Variants in TRHDE observed in about 807,000 individuals in gnomAD.
TRHDE encodes the protein thyrotropin-releasing hormone-degrading ectoenzyme.
In TRHDE, 72 loss-of-function variants were observed where a neutral mutation model predicts 125.7. The observed-to-expected ratio is 0.57, with a 90% CI of 0.47 to 0.70. TRHDE has a LOEUF of 0.70. Among genes scored for constraint, TRHDE ranks in the 30% least tolerant of loss-of-function variants. TRHDE has a pLI of 0.00. For synonymous variants in TRHDE, 509 were observed against 509.1 expected (o/e 1.00, Z 0.00); for missense variants, 1,110 against 1,327.1 (o/e 0.84, Z 2.54).
chr12:72,176,779 A>G (rs568938054), intron 2 of TRHDE, among the ~76,000 whole-genome samples: 1 of 152,352 alleles, frequency 6.6e-6, no homozygotes, highest in South Asian at 2.1e-4. Flanking sequence ...CTTGACTTTT[A>G]AAAGAGTTAC....
At chr12:72,499,677 C>T in intron 6 of TRHDE, 42 bp downstream of exon 6, 1 of 1,601,478 alleles carries the variant, frequency 6.2e-7, no homozygotes, top group Non-Finnish European at 8.5e-7. Flanking sequence ...ATTTCATTAC[C>T]AAGATAGCTA....
chr12:72,279,565 T>G (rs774492134), intron 1 of TRHDE, among the ~76,000 whole-genome samples: 1 of 152,208 alleles, frequency 6.6e-6, no homozygotes, highest in Non-Finnish European at 1.5e-5. Flanking sequence ...CTAGGCAGAA[T>G]TTTGGAAAAT....
Position 72,138,336 on chromosome 12 carries a change from T to A in TRHDE, n.279+32584T>A, listed in dbSNP as rs148796813. Among the ~76,000 whole-genome samples, 108 of 152,010 alleles carry A rather than the reference T, an allele frequency of 7.1e-4. 1 individual carries two copies. The East Asian group carries it at 0.017, about 24-fold the overall frequency. Reference sequence around the variant, plus strand: ...GTTGCAGTGAGTCGAGATCACACCATTGCACTCTAGCCTGGTGACAGCAAG... The same window carrying A: ...GTTGCAGTGAGTCGAGATCACACCAATGCACTCTAGCCTGGTGACAGCAAG... On this transcript the variant is annotated intron_variant and non_coding_transcript_variant, in intron 2 of 4. Transcript: ENST00000548156.
intron 6 of TRHDE, among the ~76,000 whole-genome samples, chr12:72,531,860 T>C (rs1375179139): frequency 6.6e-6 from 1 of 152,114 alleles, no homozygotes; most frequent in Non-Finnish European, 1.5e-5. Flanking sequence ...GTCATAGGGC[T>C]AACCACTACA....
At chr12:72,482,418 A>G (rs996066946) in intron 5 of TRHDE, among the ~76,000 whole-genome samples, 2 of 151,918 alleles carry the variant, frequency 1.3e-5, no homozygotes, top group Non-Finnish European at 2.9e-5. Context: ...GATTAGCAAA[A>G]TCATAGAATA....
In TRHDE at chr12:72,134,581, T is replaced by C. The variant is rs549225539; in HGVS notation, n.279+28829T>C. On this transcript the variant is annotated intron_variant and non_coding_transcript_variant, in intron 2 of 4. Transcript: ENST00000548156. ...AAACTTTATTTGTATAGTATATTTT[T>C]TTTTCTCAAAGAGGGTCTTCAAATT... Among the ~76,000 whole-genome samples, 13 of 152,252 alleles carry C rather than the reference T, an allele frequency of 8.5e-5. No homozygotes were observed. In the East Asian group the frequency reaches 2.5e-3, roughly 29 times the overall value.
intron 12 of TRHDE, among the ~76,000 whole-genome samples, chr12:72,577,782 C>G (rs1871062694): frequency 6.6e-6 from 1 of 151,948 alleles, no homozygotes; most frequent in Non-Finnish European, 1.5e-5. Context: ...GCTTTCAATT[C>G]CAATTTTGCA....
At chr12:72,180,447 C>T (rs549239807) in intron 2 of TRHDE, among the ~76,000 whole-genome samples, 1 of 151,994 alleles carries the variant, frequency 6.6e-6, no homozygotes, top group South Asian at 2.1e-4. Context: ...TAGTGCCAGC[C>T]CCTTTAGGCA....
intron 2 of TRHDE, among the ~76,000 whole-genome samples, chr12:72,121,112 A>G (rs1468421251): frequency 1.3e-5 from 2 of 152,234 alleles, no homozygotes; most frequent in Non-Finnish European, 2.9e-5. Context: ...CACCAAAATT[A>G]CAGTGTTGTA....
At chr12:72,094,661 A>G (rs893967300) in intron 1 of TRHDE, among the ~76,000 whole-genome samples, 7 of 152,252 alleles carry the variant, frequency 4.6e-5, no homozygotes, top group African/African-American at 1.7e-4. Context: ...CAGGTCTGTC[A>G]TGCAAAACAT....
At position 72,473,162 on chromosome 12, in the gene TRHDE, C is replaced by T. The variant is rs905104876; in HGVS notation, c.1566C>T (p.Leu522=). 1.2e-6 allele frequency: 2 copies of T among 1,613,630 alleles called. No individual in the cohort carries two copies. The highest frequency in any genetic ancestry group is 1.1e-5 in the South Asian group (1 of 91,050). ...HYFEFVGTDY[L]YPGWNMEKQR... ...TTGAATTTGTTGGTACAGACTACCT[C>T]TATCCTGGCTGGAACATGGTAAGTG... The change falls in exon 5 of 19, where the codon CTC becomes CTT. Residue 522 remains leucine, a synonymous_variant. Transcript: ENST00000261180.
intron 2 of TRHDE, among the ~76,000 whole-genome samples, chr12:72,303,977 A>G (rs1038407178): frequency 2.0e-5 from 3 of 152,152 alleles, no homozygotes; most frequent in African/African-American, 7.2e-5. Flanking sequence ...AGAGAAAAGG[A>G]ACCAGGTGAT....
At chr12:72,467,131 G>A (rs1011658466) in intron 3 of TRHDE, among the ~76,000 whole-genome samples, 4 of 152,042 alleles carry the variant, frequency 2.6e-5, no homozygotes, top group African/African-American at 4.8e-5. Context: ...TGTGCACAAC[G>A]TGCAGGTTTG....
chr12:72,200,929 G>C (rs943139459), intron 2 of TRHDE, among the ~76,000 whole-genome samples: 5 of 152,226 alleles, frequency 3.3e-5, no homozygotes, highest in Non-Finnish European at 5.9e-5. Flanking sequence ...TTTGGGAATA[G>C]CTGTGAGCTA....
chr12:72,266,201 T>C (rs542266080), intron 2 of TRHDE, among the ~76,000 whole-genome samples: 5 of 152,114 alleles, frequency 3.3e-5, no homozygotes, highest in African/African-American at 9.6e-5. Flanking sequence ...GTGGATGAAA[T>C]AAAGCAGGAT....
chr12:72,384,985 T>C (rs185933709), intron 3 of TRHDE, among the ~76,000 whole-genome samples: 2 of 152,240 alleles, frequency 1.3e-5, no homozygotes, highest in South Asian at 2.1e-4. Flanking sequence ...GTGACACTTA[T>C]GTAATACTAT....
intron 2 of TRHDE, among the ~76,000 whole-genome samples, chr12:72,345,415 T>C (rs542967467): frequency 6.6e-6 from 1 of 152,236 alleles, no homozygotes; most frequent in Admixed American, 6.5e-5. Flanking sequence ...CATTGTCTAG[T>C]ATTGCCACCA....
chr12:72,419,519 G>A (rs1008020487), intron 3 of TRHDE, among the ~76,000 whole-genome samples: 1 of 152,088 alleles, frequency 6.6e-6, no homozygotes, highest in African/African-American at 2.4e-5. Flanking sequence ...GAGAGTGGGA[G>A]CAAGAGGGAG....
intron 2 of TRHDE, among the ~76,000 whole-genome samples, chr12:72,214,953 T>C (rs1029041944): frequency 6.6e-6 from 1 of 152,340 alleles, no homozygotes; most frequent in Non-Finnish European, 1.5e-5. Context: ...TTTTTCACTT[T>C]TTAATTCCAT....
Sources: allele counts gnomAD v4.1 joint callset (sites outside exome capture counted in the v4.1 genomes callset), GRCh38; gene constraint gnomAD v4.1.1; transcripts MANE v1.5; gene names NCBI Gene and HGNC (gene_info 2026-07-23, HGNC 2026-07-21).